PSPC1: variants seen among roughly 807,000 people sequenced by gnomAD.
PSPC1 encodes the protein paraspeckle component 1, also known as paraspeckle protein 1.
PSPC1 carries 14 observed loss-of-function variants against 51.6 expected under a neutral mutation model. The ratio of observed to expected loss-of-function variants is 0.27; its 90% CI spans 0.18 to 0.42. The LOEUF is 0.42. Ranked by LOEUF, PSPC1 falls within the 10% of genes least tolerant of loss-of-function variation. The pLI, the probability that PSPC1 is intolerant of heterozygous loss-of-function variation, is 1.00. For missense variants in PSPC1, 406 were observed against 701.1 expected, an observed-to-expected ratio of 0.58 and a Z score of 4.75; for synonymous variants, 193 against 231.9, an observed-to-expected ratio of 0.83 and a Z score of 1.53.
chr13:19,771,360 A>C (rs1341939727), intron 2 of PSPC1, among the ~76,000 whole-genome samples: 1 of 151,532 alleles, frequency 6.6e-6, no homozygotes, highest in Non-Finnish European at 1.5e-5. Flanking sequence ...CTGGTCTCGA[A>C]CTCCTGAGCT....
downstream of PSPC1, chr13:19,672,003 TGTCTGTTGTA>T: frequency 1.1e-6 from 1 of 931,830 alleles, no homozygotes; most frequent in Non-Finnish European, 1.7e-6. Context: ...TTAAGCCTGT[TGTCTGTTGTA>T]GTCTGTAAGA....
intron 7 of PSPC1, among the ~76,000 whole-genome samples, chr13:19,707,750 C>T (rs1880885682): frequency 1.3e-5 from 2 of 152,052 alleles, no homozygotes; most frequent in Admixed American, 1.3e-4. Flanking sequence ...TATCTCTGCA[C>T]CATCAGAAAT....
Position 19,782,790 on chromosome 13 carries a change from G to A in PSPC1, c.-33C>T. On this transcript the variant is annotated 5_prime_UTR_variant, in exon 1 of 9. Transcript: ENST00000338910. The surrounding 1 kb of genome is among the most constrained non-coding windows in gnomAD (Gnocchi z 4.5). ...AGTTCGCCTCGGACACCGGATACAG[G>A]CCTAGATTTATAGACAGTGTGTCTA... 6.6e-7 allele frequency: 1 copy of A among 1,509,900 alleles called. No homozygotes were observed. Among genetic ancestry groups the A allele is most frequent in the Non-Finnish European group, 8.7e-7 (1 of 1,147,034 alleles). The allele number at this position is 1,509,900 out of a possible 1,614,324, so 93.5% of individuals were successfully genotyped here. A position where few individuals can be genotyped will look rare whatever the true frequency, so the allele number is the denominator to read the frequency against.
downstream of PSPC1, among the ~76,000 whole-genome samples, chr13:19,701,345 G>A (rs868652030): frequency 0.014 from 2,115 of 150,974 alleles, 44 homozygotes; most frequent in African/African-American, 0.05. Context: ...GTAGATTTAA[G>A]TGCAATAGAT....
chr13:19,710,753 A>G (rs2137779293), intron 6 of PSPC1, among the ~76,000 whole-genome samples: 1 of 152,320 alleles, frequency 6.6e-6, no homozygotes, highest in Non-Finnish European at 1.5e-5. Context: ...GAATGAAGCT[A>G]CGGTACAACA....
intron 8 of PSPC1, among the ~76,000 whole-genome samples, chr13:19,705,362 G>A (rs546405707): frequency 8.5e-5 from 13 of 152,206 alleles, no homozygotes; most frequent in Admixed American, 2.0e-4. Flanking sequence ...GCGTGGTGGC[G>A]CACGCCTGTA....
At chr13:19,689,601 A>T (rs187574308) in intron 6 of PSPC1, among the ~76,000 whole-genome samples, 11 of 152,306 alleles carry the variant, frequency 7.2e-5, no homozygotes, top group Middle Eastern at 3.4e-3. Context: ...AGAAGAGAAG[A>T]AAAAAACAAT....
chr13:19,748,504 C>T (rs1304297360), intron 4 of PSPC1, among the ~76,000 whole-genome samples: 1 of 152,182 alleles, frequency 6.6e-6, no homozygotes, highest in African/African-American at 2.4e-5. Flanking sequence ...AATTACTCTA[C>T]TTCAAACATC....
Position 19,782,663 on chromosome 13 carries a change from G to GCCGGCTCGCTCTCGCCCA in PSPC1, c.77_94dup (p.Val26_Pro31dup). The GCCGGCTCGCTCTCGCCCA allele has an allele frequency of 2.6e-6, 4 of 1,549,608 alleles. 1 individual carries two copies. In the South Asian group the frequency reaches 4.8e-5, roughly 19 times the overall value. Reference sequence around the variant, plus strand: ...AGCGAGCGCCATGGCTGCCGCGGCCGCCGGCTCGCTCTCGCCCACCGCGGA... The same window carrying GCCGGCTCGCTCTCGCCCA: ...AGCGAGCGCCATGGCTGCCGCGGCCGCCGGCTCGCTCTCGCCCACCGGCTCGCTCTCGCCCACCGCGGA... On this transcript the variant is annotated inframe_insertion, in exon 1 of 9. Coordinates refer to ENST00000338910, the MANE Select transcript of PSPC1 (RefSeq NM_001354909.2). This position sits in a 1 kb window ranked among gnomAD's most constrained non-coding sequence, Gnocchi z 4.5.
Position 19,782,610 on chromosome 13 carries a change from G to T in PSPC1, c.148C>A (p.Pro50Thr). Residue 50 changes from proline to threonine, a missense_variant, in exon 1 of 9, where the codon CCC (proline) becomes ACC (threonine). Coordinates refer to ENST00000338910, the MANE Select transcript of PSPC1 (RefSeq NM_001354909.2). This position sits in a 1 kb window ranked among gnomAD's most constrained non-coding sequence, Gnocchi z 4.5. Reference protein sequence around the residue: ...ALAGEPAPPAPAPPEDHPDEE... With the variant: ...ALAGEPAPPATAPPEDHPDEE... ...TCCGGGTGGTCCTCTGGAGGCGCGG[G>T]CGCGGGCGGTGCCGGCTCCCCGGCA... 3.2e-6 allele frequency: 5 copies of T among 1,580,278 alleles called. No homozygotes were observed. Among genetic ancestry groups the T allele is most frequent in the Non-Finnish European group, 4.3e-6 (5 of 1,166,618 alleles).
At chr13:19,756,035 G>A (rs1351710846) in intron 3 of PSPC1, among the ~76,000 whole-genome samples, 3 of 152,012 alleles carry the variant, frequency 2.0e-5, no homozygotes, top group Non-Finnish European at 2.9e-5. Context: ...TCAGGAGTTC[G>A]AGTCCAGCCT....
chr13:19,724,011 T>A (rs369860673), intron 6 of PSPC1, among the ~76,000 whole-genome samples: 8 of 152,298 alleles, frequency 5.3e-5, no homozygotes, highest in African/African-American at 1.9e-4. Context: ...TGACATCAAA[T>A]CCTTCAGCAA....
intron 6 of PSPC1, among the ~76,000 whole-genome samples, chr13:19,683,082 A>AAAAG (rs542189368): frequency 2.0e-5 from 3 of 152,044 alleles, no homozygotes; most frequent in African/African-American, 7.2e-5. Flanking sequence ...GAAAAAAAGA[A>AAAAG]AAAGAAAGAA....
chr13:19,764,939 T>C (rs1887924494), intron 2 of PSPC1, among the ~76,000 whole-genome samples: 2 of 151,910 alleles, frequency 1.3e-5, no homozygotes, highest in African/African-American at 4.8e-5. Flanking sequence ...GGTTTTGCCA[T>C]GTTGCCCAAG....
chr13:19,731,294 A>G (rs1265721955), intron 5 of PSPC1, among the ~76,000 whole-genome samples: 2 of 152,222 alleles, frequency 1.3e-5, no homozygotes, highest in Non-Finnish European at 2.9e-5. Flanking sequence ...GACTCACATT[A>G]TATTGGCATT....
intron 6 of PSPC1, among the ~76,000 whole-genome samples, chr13:19,727,760 C>T (rs1883529295): frequency 6.6e-6 from 1 of 152,132 alleles, no homozygotes; most frequent in Non-Finnish European, 1.5e-5. Flanking sequence ...TCATAAAATT[C>T]TCATTGCTTC....
intron 6 of PSPC1, among the ~76,000 whole-genome samples, chr13:19,713,580 G>A (rs893966813): frequency 2.1e-5 from 3 of 139,724 alleles, no homozygotes; most frequent in Admixed American, 7.4e-5. Context: ...TCCAACAGTC[G>A]AAGCCTAACA....
intron 2 of PSPC1, among the ~76,000 whole-genome samples, chr13:19,764,316 G>A (rs1887857931): frequency 1.3e-5 from 2 of 151,982 alleles, no homozygotes; most frequent in African/African-American, 4.8e-5. Context: ...GATATCCAAT[G>A]TACTCAATGT....
intron 5 of PSPC1, among the ~76,000 whole-genome samples, chr13:19,734,835 G>A (rs980778183): frequency 2.0e-5 from 3 of 150,878 alleles, no homozygotes; most frequent in Non-Finnish European, 4.4e-5. Flanking sequence ...AAAATTAGCC[G>A]GGCGTGGTGG....
Sources: gnomAD v4.1 joint callset for allele counts (sites outside exome capture counted in the v4.1 genomes callset) on GRCh38, gnomAD v4.1.1 for gene constraint, Gnocchi (gnomAD v3.1) non-coding constraint, MANE v1.5 for transcripts, NCBI Gene and HGNC (gene_info 2026-07-23, HGNC 2026-07-21) for gene names.